Variants in TDRD3 observed in about 807,000 individuals in gnomAD.
The protein encoded by TDRD3 is tudor domain containing 3.
In TDRD3, 45 loss-of-function variants were observed where a neutral mutation model predicts 86.7. The observed-to-expected ratio is 0.52, with a 90% CI of 0.41 to 0.67. TDRD3 has a LOEUF of 0.67. Among genes scored for constraint, TDRD3 ranks in the 30% least tolerant of loss-of-function variants. TDRD3 has a pLI of 0.00. For synonymous variants in TDRD3, 298 were observed against 301.7 expected, an observed-to-expected ratio of 0.99 and a Z score of 0.13; for missense variants, 814 against 889.0, an observed-to-expected ratio of 0.92 and a Z score of 1.07.
intron 12 of TDRD3, among the ~76,000 whole-genome samples, chr13:60,558,267 C>T (rs1222755488): frequency 6.6e-6 from 1 of 152,144 alleles, no homozygotes; most frequent in Non-Finnish European, 1.5e-5. Flanking sequence ...TCATTGCTCT[C>T]AGAGAAAGAA....
At chr13:60,430,095 A>G (rs1015369409) in intron 1 of TDRD3, among the ~76,000 whole-genome samples, 2 of 152,140 alleles carry the variant, frequency 1.3e-5, no homozygotes, top group African/African-American at 2.4e-5. Flanking sequence ...TAAATTGACT[A>G]GGGTCCCACA....
chr13:60,487,355 A>T (rs1956464014), intron 7 of TDRD3, among the ~76,000 whole-genome samples: 1 of 152,098 alleles, frequency 6.6e-6, no homozygotes, highest in Non-Finnish European at 1.5e-5. Flanking sequence ...GCATGCCTGT[A>T]ATCCCAGCTA....
intron 5 of TDRD3, among the ~76,000 whole-genome samples, chr13:60,470,848 G>T (rs964080255): frequency 6.6e-6 from 1 of 152,088 alleles, no homozygotes; most frequent in Non-Finnish European, 1.5e-5. Flanking sequence ...CTCTAAAAGT[G>T]CTGGGATTAT....
chr13:60,441,475 G>A (rs1024750020), intron 2 of TDRD3, among the ~76,000 whole-genome samples: 2 of 152,006 alleles, frequency 1.3e-5, no homozygotes, highest in Non-Finnish European at 2.9e-5. Context: ...CCAAAGCTAT[G>A]ATGCCATATG....
In TDRD3 at chr13:60,561,166, A is replaced by G. The variant is rs530384509; in HGVS notation, c.2119-6359A>G. Among the ~76,000 whole-genome samples, 5 of 152,334 alleles carry G rather than the reference A, an allele frequency of 3.3e-5. No homozygotes were observed. The East Asian group carries it at 9.6e-4, about 29-fold the overall frequency. On this transcript the variant is annotated intron_variant, in intron 12 of 13. Coordinates refer to ENST00000377881, the MANE Select transcript of TDRD3 (RefSeq NM_001146070.2). ...ATCATAATAATTTTCTCATATGTTA[A>G]TGAAACCCGAGGGTTTTTTTCAATT...
chr13:60,418,100 C>A (rs1007157182), intron 1 of TDRD3, among the ~76,000 whole-genome samples: 1 of 152,130 alleles, frequency 6.6e-6, no homozygotes, highest in Non-Finnish European at 1.5e-5. Flanking sequence ...GTCTGTCTTA[C>A]AAAGGTATGC....
chr13:60,530,369 C>T (rs978623433), intron 11 of TDRD3, among the ~76,000 whole-genome samples: 2 of 152,002 alleles, frequency 1.3e-5, no homozygotes, highest in Non-Finnish European at 2.9e-5. Context: ...GTAGTAAAAA[C>T]GTATGTAAGG....
intron 1 of TDRD3, among the ~76,000 whole-genome samples, chr13:60,403,920 C>A (rs769490134): frequency 6.6e-6 from 1 of 152,160 alleles, no homozygotes; most frequent in Non-Finnish European, 1.5e-5. Flanking sequence ...ATAATATGTG[C>A]ACTGAAATAC....
chr13:60,439,745 A>G lies in TDRD3; in HGVS notation c.99A>G (p.Val33=). 6.5e-7 allele frequency: 1 copy of G among 1,544,024 alleles called. No homozygotes were observed. The highest frequency in any genetic ancestry group is 8.7e-7 in the Non-Finnish European group (1 of 1,144,516). The change falls in exon 2 of 14, where the codon GTA becomes GTG. Residue 33 remains valine, a synonymous_variant. Coordinates refer to ENST00000377881, the MANE Select transcript of TDRD3 (RefSeq NM_001146070.2). ...ACTSSPDKVN[V]NDIILIALNT... The stretch of plus-strand genomic sequence containing the variant: ...CAAGCTCTCCAGACAAAGTCAATGT[A>G]AATGACATCATCCTGATTGCTCTCA...
At chr13:60,466,838 C>G (rs775856457) in intron 4 of TDRD3, among the ~76,000 whole-genome samples, 4 of 151,872 alleles carry the variant, frequency 2.6e-5, no homozygotes, top group Non-Finnish European at 5.9e-5. Flanking sequence ...CTCACTTCCT[C>G]TCTGGTGGTC....
At chr13:60,435,064 A>G (rs1466732949) in intron 1 of TDRD3, among the ~76,000 whole-genome samples, 1 of 152,170 alleles carries the variant, frequency 6.6e-6, no homozygotes, top group Non-Finnish European at 1.5e-5. Context: ...ATAAAAATGA[A>G]AAGATTAATT....
chr13:60,442,854 GGGATGGA>G (rs1236944987), intron 2 of TDRD3, among the ~76,000 whole-genome samples: 2 of 151,848 alleles, frequency 1.3e-5, no homozygotes, highest in Non-Finnish European at 2.9e-5. Flanking sequence ...AATTACCGTT[GGGATGGA>G]TCAAAGTTTA....
rs143364469 is a variant in TDRD3 at position 60,420,281 on chromosome 13, T to G, written c.42-19407T>G. Among the ~76,000 whole-genome samples the G allele has an allele frequency of 7.3e-3, 1,113 of 152,254 alleles. 9 individuals are homozygous for G. The highest frequency in any genetic ancestry group is 0.012 in the Non-Finnish European group (787 of 68,012). On this transcript the variant is annotated intron_variant, in intron 1 of 13. Coordinates refer to ENST00000377881, the MANE Select transcript of TDRD3 (RefSeq NM_001146070.2). ...CTAGATATGAGTCTTAAAATACATA[T>G]GCTATGAATGTTTTTTACAATCTGT...
In TDRD3 at chr13:60,529,237, A is replaced by ATT; in HGVS notation, c.1992+21_1992+22dup. On this transcript the variant is annotated intron_variant, in intron 11 of 13. Coordinates refer to ENST00000377881, the MANE Select transcript of TDRD3 (RefSeq NM_001146070.2). Reference sequence around the variant, plus strand: ...AACAAGGTATGGATGCTTTAAAGATATTATACACTAATATTACGAAATGTA... The same window carrying ATT: ...AACAAGGTATGGATGCTTTAAAGATATTTTATACACTAATATTACGAAATGTA... 2 of 1,544,582 alleles carry ATT rather than the reference A, an allele frequency of 1.3e-6. No homozygotes were observed.
intron 1 of TDRD3, among the ~76,000 whole-genome samples, chr13:60,416,625 G>A (rs912292199): frequency 2.0e-5 from 3 of 152,134 alleles, no homozygotes; most frequent in Admixed American, 2.0e-4. Context: ...CTTACTTATA[G>A]CTACTGTTTC....
chr13:60,534,312 C>G (rs539004667), intron 11 of TDRD3, among the ~76,000 whole-genome samples: 2 of 152,116 alleles, frequency 1.3e-5, no homozygotes, highest in South Asian at 2.1e-4. Flanking sequence ...GAACTTGTCT[C>G]TAGAAATAAA....
chr13:60,494,981 C>G (rs910757114), intron 8 of TDRD3, among the ~76,000 whole-genome samples: 2 of 152,004 alleles, frequency 1.3e-5, no homozygotes, highest in African/African-American at 2.4e-5. Context: ...TTATGTGGAC[C>G]CAATTGCAAA....
chr13:60,563,671 C>T (rs1412087300), intron 12 of TDRD3, among the ~76,000 whole-genome samples: 1 of 152,222 alleles, frequency 6.6e-6, no homozygotes, highest in Non-Finnish European at 1.5e-5. Flanking sequence ...CTTGAGAACT[C>T]TTTCCTTAAA....
intron 8 of TDRD3, among the ~76,000 whole-genome samples, chr13:60,496,299 ATATATATATATATATATATATATATAT>A (rs1956714292): frequency 6.4e-5 from 1 of 15,640 alleles, no homozygotes; most frequent in East Asian, 1.3e-3. Context: ...ATATATATAT[ATATATATATATATATATATATATATAT>A]ATATATATAT....
Sources: gnomAD v4.1 joint callset for allele counts (sites outside exome capture counted in the v4.1 genomes callset) on GRCh38, gnomAD v4.1.1 for gene constraint, MANE v1.5 for transcripts, NCBI Gene and HGNC (gene_info 2026-07-23, HGNC 2026-07-21) for gene names.